MMP16: variants seen among roughly 807,000 people sequenced by gnomAD.
MMP16 encodes the protein matrix metalloproteinase-16.
MMP16 carries 12 observed loss-of-function variants against 67.8 expected under a neutral mutation model. The ratio of observed to expected loss-of-function variants is 0.18; its 90% CI spans 0.11 to 0.29. MMP16 has a LOEUF of 0.29. Ranked by LOEUF, MMP16 falls within the 10% of genes least tolerant of loss-of-function variation. The pLI, the probability that MMP16 is intolerant of heterozygous loss-of-function variation, is 1.00. For missense variants in MMP16, 475 were observed against 765.7 expected (o/e 0.62, Z 4.48); for synonymous variants, 249 against 255.9 (o/e 0.97, Z 0.26).
chr8:88,188,344 G>A (rs1809106184), intron 2 of MMP16, among the ~76,000 whole-genome samples: 1 of 151,970 alleles, frequency 6.6e-6, no homozygotes, highest in Non-Finnish European at 1.5e-5. Flanking sequence ...GAAAGTACTG[G>A]GAGAACAAAC....
intron 1 of MMP16, among the ~76,000 whole-genome samples, chr8:88,300,363 C>A (rs1190340249): frequency 6.6e-6 from 1 of 152,076 alleles, no homozygotes; most frequent in Admixed American, 6.6e-5. Flanking sequence ...CTAGAATAAC[C>A]AATTCATACA....
intron 1 of MMP16, among the ~76,000 whole-genome samples, chr8:88,223,868 A>G (rs1809726536): frequency 6.6e-6 from 1 of 152,014 alleles, no homozygotes; most frequent in African/African-American, 2.4e-5. Flanking sequence ...ATATTTTACC[A>G]GGAAATATTG....
In MMP16 at chr8:88,041,273, T is replaced by C; in HGVS notation, c.*188A>G. On this transcript the variant is annotated 3_prime_UTR_variant, in exon 10 of 10. Transcript: ENST00000286614. This position sits in a 1 kb window ranked among gnomAD's most constrained non-coding sequence, Gnocchi z 6.0. ...GAAGAACAGCAGATACTGTGCATCATGGAAGCTTCCCCATGAGTGTATTTC... is the reference window on the plus strand; with the variant it reads ...GAAGAACAGCAGATACTGTGCATCACGGAAGCTTCCCCATGAGTGTATTTC... 1 of 590,776 alleles carries C rather than the reference T, an allele frequency of 1.7e-6. No homozygotes were observed. Among genetic ancestry groups the C allele is most frequent in the Non-Finnish European group, 3.0e-6 (1 of 332,860 alleles). The allele number at this position is 590,776 out of a possible 1,614,324, so 36.6% of individuals were successfully genotyped here.
At chr8:88,114,438 C>G (rs911933155) in intron 6 of MMP16, among the ~76,000 whole-genome samples, 3 of 151,906 alleles carry the variant, frequency 2.0e-5, no homozygotes, top group African/African-American at 7.2e-5. Flanking sequence ...TACTTTTACT[C>G]TTACGTATTA....
In MMP16 at chr8:88,046,617, T is replaced by C. The variant is rs760755715; in HGVS notation, c.1489+52A>G. 6.2e-4 allele frequency: 714 copies of C among 1,155,552 alleles called. 1 individual carries two copies. The highest frequency in any genetic ancestry group is 8.4e-4 in the Non-Finnish European group (673 of 801,800). 71.6% of individuals were successfully genotyped at this position (1,155,552 alleles called of 1,614,324 possible). A position where few individuals can be genotyped will look rare whatever the true frequency, so the allele number is the denominator to read the frequency against. On this transcript the variant is annotated intron_variant, in intron 9 of 9. Transcript: ENST00000286614. ...AATTTAGCAGAGTGAAAAAGCCTAATGTGTTACTAAGATAGCAAACTTATG... is the reference window on the plus strand; with the variant it reads ...AATTTAGCAGAGTGAAAAAGCCTAACGTGTTACTAAGATAGCAAACTTATG...
chr8:88,264,191 T>C (rs13268610), intron 1 of MMP16, among the ~76,000 whole-genome samples: 8 of 150,850 alleles, frequency 5.3e-5, no homozygotes, highest in African/African-American at 1.9e-4. Flanking sequence ...CGTGCACACA[T>C]ACACACACAC....
At chr8:88,217,310 C>T (rs1879200) in intron 1 of MMP16, among the ~76,000 whole-genome samples, 148,311 of 152,196 alleles carry the variant, frequency 0.97, 72,383 homozygotes, top group East Asian at 1. Context: ...TGGGAATACA[C>T]GCATGTATGC....
chr8:88,049,489 C>G (rs552971112), intron 8 of MMP16, among the ~76,000 whole-genome samples: 1 of 152,106 alleles, frequency 6.6e-6, no homozygotes. Context: ...GCTTTCCACA[C>G]TTGAGCAAAC....
intron 2 of MMP16, among the ~76,000 whole-genome samples, chr8:88,192,578 T>C (rs961063758): frequency 6.6e-6 from 1 of 152,050 alleles, no homozygotes; most frequent in Non-Finnish European, 1.5e-5. Context: ...TATTCAGAAA[T>C]AAAAAGAAGA....
chr8:88,269,396 T>A (rs71526930), intron 1 of MMP16, among the ~76,000 whole-genome samples: 18,333 of 152,006 alleles, frequency 0.12, 1,221 homozygotes, highest in Non-Finnish European at 0.14. Context: ...CAAGATAATA[T>A]CTTCACAGAG....
intron 1 of MMP16, among the ~76,000 whole-genome samples, chr8:88,326,076 T>C (rs1275466417): frequency 6.6e-6 from 1 of 152,178 alleles, no homozygotes; most frequent in Non-Finnish European, 1.5e-5. Flanking sequence ...CTTAAAAAAT[T>C]ATTCATAATT....
chr8:88,085,438 T>C (rs1403145113), intron 6 of MMP16, among the ~76,000 whole-genome samples: 1 of 152,044 alleles, frequency 6.6e-6, no homozygotes, highest in Admixed American at 6.6e-5. Context: ...TGCAATGATT[T>C]TGCAGGCACG....
chr8:88,227,952 G>A (rs1809796458), intron 1 of MMP16, among the ~76,000 whole-genome samples: 1 of 152,060 alleles, frequency 6.6e-6, no homozygotes, highest in African/African-American at 2.4e-5. Context: ...ATGGAAAGCT[G>A]CAGAACCACA....
intron 1 of MMP16, among the ~76,000 whole-genome samples, chr8:88,282,951 G>T (rs1810764783): frequency 6.6e-6 from 1 of 151,920 alleles, no homozygotes; most frequent in African/African-American, 2.4e-5. Flanking sequence ...ATTTTTGTTG[G>T]TAATACTCTA....
chr8:88,218,319 A>C lies in MMP16; in HGVS notation c.133-21013T>G, dbSNP rs145253903. 1.6e-3 allele frequency among the ~76,000 whole-genome samples: 246 copies of C among 152,144 alleles called. 1 individual carries two copies. Among genetic ancestry groups the C allele is most frequent in the Non-Finnish European group, 2.8e-3 (193 of 67,908 alleles). On this transcript the variant is annotated intron_variant, in intron 1 of 9. Coordinates refer to ENST00000286614, the MANE Select transcript of MMP16 (RefSeq NM_005941.5). The stretch of plus-strand genomic sequence containing the variant: ...AATGACCTAAATTAGGAGCAATTTA[A>C]ATCTATAGTCAGAATGTAGGGGAAA...
Position 88,035,365 on chromosome 8 carries a change from G to C in MMP16, c.*6096C>G, listed in dbSNP as rs940531137. 2 of 151,978 alleles carry C rather than the reference G, an allele frequency of 1.3e-5. No homozygotes were observed. The highest frequency in any genetic ancestry group is 4.8e-5 in the African/African-American group (2 of 41,406). 9.4% of individuals were successfully genotyped at this position (151,978 alleles called of 1,614,324 possible). On this transcript the variant is annotated 3_prime_UTR_variant, in exon 10 of 10. Coordinates refer to ENST00000286614, the MANE Select transcript of MMP16 (RefSeq NM_005941.5). The surrounding 1 kb of genome is among the most constrained non-coding windows in gnomAD (Gnocchi z 4.7). ...CTGTTCAATGTGCCCTTTAATGTGA[G>C]GACACGCTGAGTGCACATTTGAATA... is the stretch of plus-strand genomic sequence containing the variant.
chr8:88,287,832 T>C (rs1010200611), intron 1 of MMP16, among the ~76,000 whole-genome samples: 8 of 152,156 alleles, frequency 5.3e-5, no homozygotes, highest in African/African-American at 1.9e-4. Context: ...AACAAAAAGG[T>C]TGTAAGACAG....
Position 88,114,840 on chromosome 8 carries a change from TG to T in MMP16, c.1083+1666del, listed in dbSNP as rs1301161571. 2.6e-5 allele frequency among the ~76,000 whole-genome samples: 4 copies of T among 152,100 alleles called. No individual in the cohort carries two copies. In the East Asian group the frequency reaches 7.8e-4, roughly 30 times the overall value. ...GCCTTAGTTATATTTTTTATATACCTGTTTTGATATTGGAAATAGCAGCTAT... is the reference window on the plus strand; with the variant it reads ...GCCTTAGTTATATTTTTTATATACCTTTTTGATATTGGAAATAGCAGCTAT... On this transcript the variant is annotated intron_variant, in intron 6 of 9. Coordinates refer to ENST00000286614, the MANE Select transcript of MMP16 (RefSeq NM_005941.5).
intron 4 of MMP16, among the ~76,000 whole-genome samples, chr8:88,141,083 C>T (rs1170397959): frequency 6.6e-6 from 1 of 152,126 alleles, no homozygotes; most frequent in Admixed American, 6.6e-5. Flanking sequence ...GTGAAAGGTA[C>T]TCTCCATACG....
Sources: gnomAD v4.1 joint callset for allele counts (sites outside exome capture counted in the v4.1 genomes callset) on GRCh38, gnomAD v4.1.1 for gene constraint, Gnocchi (gnomAD v3.1) non-coding constraint, MANE v1.5 for transcripts, NCBI Gene and HGNC (gene_info 2026-07-23, HGNC 2026-07-21) for gene names.